TACC1: variants seen among roughly 807,000 people sequenced by gnomAD.
TACC1 encodes the protein transforming acidic coiled-coil containing protein 1.
TACC1 carries 48 observed loss-of-function variants against 84.4 expected under a neutral mutation model. That is an observed-to-expected ratio of 0.57 (90% confidence interval 0.45 to 0.72). The LOEUF (loss-of-function observed/expected upper bound fraction) is 0.72. TACC1 is among the 30% of genes least tolerant of loss of function. TACC1 has a pLI of 0.00. For synonymous variants in TACC1, 372 were observed against 376.3 expected (o/e 0.99, Z 0.13); for missense variants, 920 against 973.0 (o/e 0.95, Z 0.72).
At chr8:38,825,516 C>A in intron 4 of TACC1, 148 bp downstream of exon 4, 2 of 737,954 alleles carry the variant, frequency 2.7e-6, no homozygotes, top group Non-Finnish European at 2.3e-6. Context: ...TCCTTACTGT[C>A]CCTGAAGAGA....
At chr8:38,744,362 C>T (rs1400949203) in intron 2 of TACC1, among the ~76,000 whole-genome samples, 2 of 152,074 alleles carry the variant, frequency 1.3e-5, no homozygotes, top group South Asian at 2.1e-4. Context: ...GTGATCCACC[C>T]GTCTCAGCCT....
chr8:38,758,574 G>A (rs1810567701), intron 3 of TACC1, among the ~76,000 whole-genome samples: 1 of 151,182 alleles, frequency 6.6e-6, no homozygotes, highest in Non-Finnish European at 1.5e-5. Context: ...AGCTACTTGG[G>A]AGGCTGAGGC....
intron 8 of TACC1, among the ~76,000 whole-genome samples, chr8:38,838,908 T>C (rs553233738): frequency 1.2e-3 from 178 of 152,254 alleles, no homozygotes; most frequent in Non-Finnish European, 1.9e-3. Flanking sequence ...ACTACTTTTT[T>C]TTTTTTGAGG....
chr8:38,836,030 T>TCC, intron 6 of TACC1, 132 bp from the exon 7 acceptor site: 1 of 1,233,234 alleles, frequency 8.1e-7, no homozygotes, highest in South Asian at 1.5e-5. Context: ...TTAAAAAGCT[T>TCC]CCCCCCGCTG....
intron 2 of TACC1, among the ~76,000 whole-genome samples, chr8:38,791,314 T>C (rs1160935950): frequency 1.3e-5 from 2 of 152,132 alleles, no homozygotes; most frequent in East Asian, 3.8e-4. Flanking sequence ...CTCTATGGGG[T>C]AGTTCATGAA....
chr8:38,730,397 G>A (rs1439463818), intron 1 of TACC1, among the ~76,000 whole-genome samples: 1 of 152,226 alleles, frequency 6.6e-6, no homozygotes, highest in Non-Finnish European at 1.5e-5. Flanking sequence ...CCTTCTAATT[G>A]TGCTCACGGT....
rs1237490683 is a variant in TACC1, at chr8:38,843,440, G to A, written c.2228+45G>A. 5 of 1,434,380 alleles carry A rather than the reference G, an allele frequency of 3.5e-6. No homozygotes were observed. In the African/African-American group the frequency reaches 7.2e-5, roughly 21 times the overall value. 88.9% of individuals were successfully genotyped at this position (1,434,380 alleles called of 1,614,324 possible). A position where few individuals can be genotyped will look rare whatever the true frequency, so the allele number is the denominator to read the frequency against. ...GAATTTCACTCTTCATGATGTTGTG[G>A]GAAGATTGAGAGAGGAAAACAAAAT... On this transcript the variant is annotated intron_variant, in intron 11 of 12. Transcript: ENST00000317827.
At chr8:38,801,586 T>C (rs1464797809) in intron 2 of TACC1, among the ~76,000 whole-genome samples, 2 of 152,242 alleles carry the variant, frequency 1.3e-5, no homozygotes, top group Non-Finnish European at 1.5e-5. Context: ...TGTCTCTCGT[T>C]ATGCTGGTAC....
At chr8:38,754,199 G>A (rs1272868835) in intron 3 of TACC1, among the ~76,000 whole-genome samples, 1 of 152,064 alleles carries the variant, frequency 6.6e-6, no homozygotes, top group African/African-American at 2.4e-5. Flanking sequence ...AGTGCCACCT[G>A]CCTCAGCCTC....
At chr8:38,839,168 C>T in intron 8 of TACC1, 1 of 342,450 alleles carries the variant, frequency 2.9e-6, no homozygotes, top group Non-Finnish European at 5.3e-6. Context: ...GGATTGCAGG[C>T]ATGAGCCACA....
At chr8:38,787,139 C>T (rs1817358809), upstream of TACC1, 1 of 984,004 alleles carries the variant, frequency 1.0e-6, no homozygotes, top group Non-Finnish European at 1.2e-6. Flanking sequence ...GCCGCCGCCG[C>T]CCCCGCGCGC....
intron 3 of TACC1, among the ~76,000 whole-genome samples, chr8:38,777,891 A>G (rs1815142070): frequency 6.6e-6 from 1 of 152,232 alleles, no homozygotes. Context: ...ACCTAGTTGT[A>G]GAGAAGGAAA....
chr8:38,790,851 A>T (rs539531035), intron 2 of TACC1, among the ~76,000 whole-genome samples: 7 of 152,338 alleles, frequency 4.6e-5, no homozygotes, highest in African/African-American at 1.7e-4. Flanking sequence ...CTAGGCAGGG[A>T]CAACATGGGA....
intron 2 of TACC1, among the ~76,000 whole-genome samples, chr8:38,799,221 A>G (rs1457985950): frequency 6.6e-6 from 1 of 152,238 alleles, no homozygotes; most frequent in African/African-American, 2.4e-5. Flanking sequence ...GGGAAGAGCT[A>G]TGCCAAGCCA....
chr8:38,808,480 A>G (rs1327850869), intron 2 of TACC1, among the ~76,000 whole-genome samples: 1 of 152,176 alleles, frequency 6.6e-6, no homozygotes, highest in Non-Finnish European at 1.5e-5. Context: ...TGGTGTGATC[A>G]TAGATTACCG....
At chr8:38,773,587 TA>T (rs1814133114) in intron 3 of TACC1, among the ~76,000 whole-genome samples, 1 of 147,644 alleles carries the variant, frequency 6.8e-6, no homozygotes, top group African/African-American at 2.7e-5. Context: ...GCTATCTATC[TA>T]GCTATCTATC....
rs1225851516 is a variant in TACC1 at position 38,768,117 on chromosome 8, AAGGT to A, written c.27-20583_27-20580del. 7.7e-5 allele frequency among the ~76,000 whole-genome samples: 10 copies of A among 129,718 alleles called. 1 individual carries two copies. The highest frequency in any genetic ancestry group is 2.7e-4 in the South Asian group (1 of 3,726). 85.1% of individuals were successfully genotyped at this position (129,718 alleles called of 152,430 possible). Reference sequence around the variant, plus strand: ...GAAGGAAGGAAGGAAGGAAGGAAGGAAGGTAGGGGAAGGGAAGGGAGGGAGGAAG... The same window carrying A: ...GAAGGAAGGAAGGAAGGAAGGAAGGAAGGGGAAGGGAAGGGAGGGAGGAAG... On this transcript the variant is annotated intron_variant, in intron 3 of 14. Coordinates refer to the TACC1 transcript ENST00000518415.
intron 3 of TACC1, among the ~76,000 whole-genome samples, chr8:38,768,395 A>T (rs542857864): frequency 2.2e-4 from 33 of 152,210 alleles, no homozygotes; most frequent in Middle Eastern, 3.2e-3. Flanking sequence ...TTTTGTATTT[A>T]TAGAAGTACA....
intron 2 of TACC1, among the ~76,000 whole-genome samples, chr8:38,819,282 C>T (rs1399935092): frequency 5.3e-5 from 8 of 152,226 alleles, no homozygotes; most frequent in Admixed American, 2.0e-4. Context: ...TTTTGGTGTA[C>T]TTACTATTCG....
Sources: allele counts gnomAD v4.1 joint callset (sites outside exome capture counted in the v4.1 genomes callset), GRCh38; gene constraint gnomAD v4.1.1; transcripts MANE v1.5; gene names NCBI Gene and HGNC (gene_info 2026-07-23, HGNC 2026-07-21).